The following BMPR2 variants were observed in gnomAD, a reference collection of about 807,000 sequenced individuals.
The protein encoded by BMPR2 is bone morphogenetic protein receptor type-2.
A neutral mutation model predicts 100.8 loss-of-function variants in BMPR2; 29 were observed. The observed-to-expected ratio is 0.29, with a 90% confidence interval of 0.21 to 0.39. BMPR2 has a LOEUF of 0.39. Ranked by LOEUF, BMPR2 falls within the 10% of genes least tolerant of loss-of-function variation. The probability of loss-of-function intolerance (pLI) is 1.00; values close to 1 mark genes in which losing one functional copy is unlikely to be tolerated. For synonymous variants in BMPR2, 382 were observed against 442.3 expected (o/e 0.86, Z 1.71); for missense variants, 1,011 against 1,274.5 (o/e 0.79, Z 3.15).
At chr2:202,475,027 C>A (rs377585641) in intron 3 of BMPR2, 1 of 152,088 alleles carries the variant, frequency 6.6e-6, no homozygotes, top group Non-Finnish European at 1.5e-5. Flanking sequence ...ATGTTTCTTT[C>A]CAGTCTTTTC....
chr2:202,435,376 C>CATATATATATATATATATATAT (rs141854934), intron 1 of BMPR2, among the ~76,000 whole-genome samples: 56 of 103,412 alleles, frequency 5.4e-4, no homozygotes, highest in South Asian at 1.2e-3. Flanking sequence ...AAAAAAAATA[C>CATATATATATATATATATATAT]ATATATATAT....
intron 3 of BMPR2, among the ~76,000 whole-genome samples, chr2:202,504,613 A>G (rs1687481870): frequency 6.6e-6 from 1 of 151,848 alleles, no homozygotes. Flanking sequence ...CCAATTCCGG[A>G]CACACTACCA....
At chr2:202,414,068 T>C (rs1457108763) in intron 1 of BMPR2, among the ~76,000 whole-genome samples, 2 of 152,236 alleles carry the variant, frequency 1.3e-5, no homozygotes, top group African/African-American at 4.8e-5. Flanking sequence ...TTTGAACAAA[T>C]TGAGGGTTTG....
intron 1 of BMPR2, among the ~76,000 whole-genome samples, chr2:202,452,350 T>C (rs899854540): frequency 6.6e-6 from 1 of 152,244 alleles, no homozygotes; most frequent in African/African-American, 2.4e-5. Flanking sequence ...TAGTAACTTA[T>C]ATGGATGTAT....
chr2:202,485,485 C>T (rs1337903569), intron 3 of BMPR2, among the ~76,000 whole-genome samples: 2 of 149,860 alleles, frequency 1.3e-5, no homozygotes, highest in Non-Finnish European at 3.0e-5. Context: ...ATTCTAATCT[C>T]TGCTTCTGCC....
intron 3 of BMPR2, among the ~76,000 whole-genome samples, chr2:202,485,552 T>TTTTTTTTTTTTTTTTTG: frequency 9.4e-6 from 1 of 106,246 alleles, no homozygotes; most frequent in Non-Finnish European, 2.0e-5. Flanking sequence ...TATCTTTTTT[T>TTTTTTTTTTTTTTTTTG]TTTTTTTTTT....
At chr2:202,389,648 A>T (rs988990372) in intron 1 of BMPR2, among the ~76,000 whole-genome samples, 61 of 144,028 alleles carry the variant, frequency 4.2e-4, no homozygotes, top group Middle Eastern at 7.1e-3. Context: ...TTATAAATTT[A>T]TTTTTTTTTT....
chr2:202,450,269 A>G (rs527927260), intron 1 of BMPR2, among the ~76,000 whole-genome samples: 4 of 152,234 alleles, frequency 2.6e-5, no homozygotes, highest in South Asian at 4.1e-4. Context: ...CTTTCCTACT[A>G]TGATCTTTCT....
At chr2:202,471,185 C>T (rs1692430596) in intron 3 of BMPR2, among the ~76,000 whole-genome samples, 1 of 152,190 alleles carries the variant, frequency 6.6e-6, no homozygotes, top group Non-Finnish European at 1.5e-5. Context: ...GAGTGCTAAA[C>T]AAGTACATTA....
chr2:202,530,709 A>C (rs1386533953), intron 7 of BMPR2, 85 bp from the exon 8 acceptor site: 19 of 1,241,614 alleles, frequency 1.5e-5, no homozygotes, highest in Admixed American at 4.8e-5. Flanking sequence ...CAGAAAAATA[A>C]TACTACTTCT....
At chr2:202,451,201 T>C (rs192894263) in intron 1 of BMPR2, among the ~76,000 whole-genome samples, 6 of 152,342 alleles carry the variant, frequency 3.9e-5, no homozygotes, top group African/African-American at 1.2e-4. Flanking sequence ...GTTAAACTTA[T>C]GGGAAAATTT....
At chr2:202,427,629 C>T (rs2105928718) in intron 1 of BMPR2, among the ~76,000 whole-genome samples, 1 of 152,066 alleles carries the variant, frequency 6.6e-6, no homozygotes, top group South Asian at 2.1e-4. Context: ...TTTCCATTCT[C>T]ACAGTATTTC....
intron 1 of BMPR2, among the ~76,000 whole-genome samples, chr2:202,431,231 A>C (rs985955058): frequency 2.7e-5 from 4 of 150,640 alleles, no homozygotes; most frequent in Non-Finnish European, 5.9e-5. Context: ...TTTGTGTAGA[A>C]AGCATGGTAT....
At chr2:202,444,459 A>G (rs1199452193) in intron 1 of BMPR2, among the ~76,000 whole-genome samples, 2 of 150,914 alleles carry the variant, frequency 1.3e-5, no homozygotes, top group East Asian at 3.9e-4. Flanking sequence ...ACAAATTTCT[A>G]AAAAAATAAC....
At chr2:202,549,040 C>T (rs574982504) in intron 10 of BMPR2, among the ~76,000 whole-genome samples, 5 of 152,124 alleles carry the variant, frequency 3.3e-5, no homozygotes, top group Non-Finnish European at 7.4e-5. Context: ...CCTCAACTTT[C>T]TCTATCCCCC....
At chr2:202,405,515 C>G (rs1258043247) in intron 1 of BMPR2, among the ~76,000 whole-genome samples, 1 of 151,844 alleles carries the variant, frequency 6.6e-6, no homozygotes, top group East Asian at 1.9e-4. Context: ...GGTGAAACCC[C>G]GTCTGTACTA....
chr2:202,542,528 A>G (rs984838913), intron 10 of BMPR2, 81 bp downstream of exon 10: 20 of 1,510,446 alleles, frequency 1.3e-5, no homozygotes, highest in Non-Finnish European at 1.6e-5. Context: ...ATAGACTGTT[A>G]ATAACGTTAA....
chr2:202,552,610 CTGG>C (rs1688499630), intron 10 of BMPR2, 103 bp from the exon 11 acceptor site: 1 of 1,152,212 alleles, frequency 8.7e-7, no homozygotes, highest in Admixed American at 1.9e-5. Context: ...ATGTAAAATA[CTGG>C]TTAAGGTAAT....
At chr2:202,383,691 A>G (rs1690350756) in intron 1 of BMPR2, among the ~76,000 whole-genome samples, 1 of 151,504 alleles carries the variant, frequency 6.6e-6, no homozygotes, top group Non-Finnish European at 1.5e-5. Flanking sequence ...AAAAAAAAGA[A>G]AAAAACAAAA....
Sources: allele counts gnomAD v4.1 joint callset (sites outside exome capture counted in the v4.1 genomes callset), GRCh38; gene constraint gnomAD v4.1.1; transcripts MANE v1.5; gene names NCBI Gene and HGNC (gene_info 2026-07-23, HGNC 2026-07-21).